CCDC102B: variants seen among roughly 807,000 people sequenced by gnomAD.
The protein encoded by CCDC102B is coiled-coil domain containing 102B.
In CCDC102B, 75 loss-of-function variants were observed where a neutral mutation model predicts 57.4. The ratio of observed to expected loss-of-function variants is 1.31; its 90% confidence interval spans 1.08 to 1.58. CCDC102B has a LOEUF of 1.58. CCDC102B is among the 40% of genes most tolerant of loss of function. The pLI, the probability that CCDC102B is intolerant of heterozygous loss-of-function variation, is 0.00. For synonymous variants in CCDC102B, 206 were observed against 201.9 expected, an observed-to-expected ratio of 1.02 and a Z score of -0.17; for missense variants, 636 against 582.6, an observed-to-expected ratio of 1.09 and a Z score of -0.94.
Position 68,775,184 on chromosome 18 carries a change from T to C in CCDC102B, c.-66-48182T>C, listed in dbSNP as rs1373180881. On this transcript the variant is annotated intron_variant, in intron 2 of 3. Coordinates refer to the CCDC102B transcript ENST00000578970. ...TATTGACAGATATTTGTGCTATTTC[T>C]AACATAGACTTTTAAAATAATTTTT... Among the ~76,000 whole-genome samples the C allele has an allele frequency of 3.9e-5, 6 of 151,986 alleles. 1 individual carries two copies. The East Asian group carries it at 1.2e-3, about 29-fold the overall frequency.
intron 6 of CCDC102B, among the ~76,000 whole-genome samples, chr18:68,940,651 T>G (rs1159957779): frequency 6.6e-6 from 1 of 151,804 alleles, no homozygotes; most frequent in African/African-American, 2.4e-5. Flanking sequence ...ACTTGCTTCC[T>G]TTAGATATAT....
At chr18:68,854,095 T>G (rs1196583429) in intron 4 of CCDC102B, among the ~76,000 whole-genome samples, 2 of 20,456 alleles carry the variant, frequency 9.8e-5, no homozygotes, top group Non-Finnish European at 2.0e-4. Context: ...TTTCTTGTTT[T>G]TTTTTTTTTT....
At chr18:69,034,238 T>C (rs2052224978) in intron 7 of CCDC102B, among the ~76,000 whole-genome samples, 2 of 152,026 alleles carry the variant, frequency 1.3e-5, no homozygotes, top group Non-Finnish European at 2.9e-5. Context: ...AGTTTGTTTA[T>C]TTTTTCTCTA....
chr18:68,837,263 C>A lies in CCDC102B; in HGVS notation c.500C>A (p.Ser167Tyr), dbSNP rs2037423776. Residue 167 changes from serine to tyrosine, a missense_variant, in exon 2 of 8, where the codon TCC (serine) becomes TAC (tyrosine). By Grantham distance (144) the Ser-to-Tyr change is moderately radical (BLOSUM62 -2). Coordinates refer to ENST00000360242, the MANE Select transcript of CCDC102B (RefSeq NM_024781.3). ...DLKLPGFVEE[S>Y]CEHTDQFQLS... ...AAGCTTCCTGGCTTCGTAGAAGAAT[C>A]CTGTGAACATACAGACCAATTTCAA... 1 of 1,614,082 alleles carries A rather than the reference C, an allele frequency of 6.2e-7. No individual in the cohort carries two copies. The highest frequency in any genetic ancestry group is 8.5e-7 in the Non-Finnish European group (1 of 1,180,004).
At chr18:68,764,263 T>C (rs895975031) in intron 2 of CCDC102B, among the ~76,000 whole-genome samples, 31 of 152,324 alleles carry the variant, frequency 2.0e-4, no homozygotes, top group African/African-American at 7.2e-4. Flanking sequence ...CTATGATTAC[T>C]AATAATAACA....
chr18:69,044,179 A>G (rs17080145), intron 7 of CCDC102B, among the ~76,000 whole-genome samples: 7,624 of 152,230 alleles, frequency 0.05, 275 homozygotes, highest in East Asian at 0.16. Flanking sequence ...AAAGCAAGAC[A>G]TCCTACTGAC....
intron 5 of CCDC102B, among the ~76,000 whole-genome samples, chr18:68,888,310 T>C (rs2039958785): frequency 6.6e-6 from 1 of 152,146 alleles, no homozygotes; most frequent in South Asian, 2.1e-4. Context: ...TTAGAATAGA[T>C]TCTCTCACTA....
At chr18:68,981,199 A>G (rs2050571320) in intron 6 of CCDC102B, among the ~76,000 whole-genome samples, 2 of 152,096 alleles carry the variant, frequency 1.3e-5, no homozygotes, top group Non-Finnish European at 2.9e-5. Flanking sequence ...CAAAATGACT[A>G]AAGGAGATAA....
intron 6 of CCDC102B, among the ~76,000 whole-genome samples, chr18:68,983,753 A>C (rs55641403): frequency 3.7e-4 from 57 of 152,144 alleles, no homozygotes; most frequent in African/African-American, 1.1e-3. Context: ...GCTTTGATTA[A>C]ATTTATCTCA....
intron 5 of CCDC102B, among the ~76,000 whole-genome samples, chr18:68,882,437 A>G (rs2039724149): frequency 6.6e-6 from 1 of 152,186 alleles, no homozygotes; most frequent in South Asian, 2.1e-4. Flanking sequence ...TCCCCTTCAC[A>G]TCAGTCTCTG....
intron 6 of CCDC102B, among the ~76,000 whole-genome samples, chr18:68,963,575 C>T (rs1405778778): frequency 6.6e-6 from 1 of 151,876 alleles, no homozygotes; most frequent in Non-Finnish European, 1.5e-5. Flanking sequence ...CATGAGCCCC[C>T]TCCCTGGCTC....
Position 68,855,484 on chromosome 18 carries a change from A to G in CCDC102B, c.936+9063A>G, listed in dbSNP as rs570849119. Among the ~76,000 whole-genome samples the G allele has an allele frequency of 2.6e-5, 4 of 152,338 alleles. No homozygotes were observed. In the South Asian group the frequency reaches 6.2e-4, roughly 24 times the overall value. ...AGATTTACTGAAATATAATTCTCAT[A>G]TCATACAATTCACCCACTTAAAATA... On this transcript the variant is annotated intron_variant, in intron 4 of 7. Coordinates refer to ENST00000360242, the MANE Select transcript of CCDC102B (RefSeq NM_024781.3).
At position 68,934,658 on chromosome 18, in the gene CCDC102B, CTG is replaced by C. The variant is rs997466622; in HGVS notation, c.1263+37232_1263+37233del. Reference sequence around the variant, plus strand: ...GTAATTATCCATTGAGAGGGAAAAACTGTAAAAAAAAGTTCAGTAATTAGAAG... The same window carrying C: ...GTAATTATCCATTGAGAGGGAAAAACTAAAAAAAAGTTCAGTAATTAGAAG... On this transcript the variant is annotated intron_variant, in intron 6 of 7. Coordinates refer to ENST00000360242, the MANE Select transcript of CCDC102B (RefSeq NM_024781.3). 7.2e-5 allele frequency among the ~76,000 whole-genome samples: 11 copies of C among 151,898 alleles called. No individual in the cohort carries two copies. The East Asian group carries it at 2.0e-3, about 27-fold the overall frequency.
At chr18:68,800,749 A>T (rs2035817973) in intron 1 of CCDC102B, among the ~76,000 whole-genome samples, 1 of 152,192 alleles carries the variant, frequency 6.6e-6, no homozygotes, top group African/African-American at 2.4e-5. Flanking sequence ...CCAAGTTATT[A>T]TCAAATAAAG....
chr18:68,792,471 A>G (rs1213445520), intron 2 of CCDC102B, among the ~76,000 whole-genome samples: 1 of 152,234 alleles, frequency 6.6e-6, no homozygotes, highest in African/African-American at 2.4e-5. Flanking sequence ...TTTACAATAT[A>G]AAAATTTGAT....
intron 6 of CCDC102B, among the ~76,000 whole-genome samples, chr18:68,954,135 G>A (rs1273451373): frequency 6.6e-6 from 1 of 151,966 alleles, no homozygotes; most frequent in African/African-American, 2.4e-5. Context: ...AAAGAAGAAA[G>A]TGACTGGATG....
intron 2 of CCDC102B, among the ~76,000 whole-genome samples, chr18:68,744,668 G>A (rs2033541632): frequency 6.6e-6 from 1 of 152,094 alleles, no homozygotes; most frequent in African/African-American, 2.4e-5. Flanking sequence ...CACCAGCCAT[G>A]TGCATGAAGA....
At position 68,881,630 on chromosome 18, in the gene CCDC102B, C is replaced by G. The variant is rs574630269; in HGVS notation, c.1053+6845C>G. On this transcript the variant is annotated intron_variant, in intron 5 of 7. Transcript: ENST00000360242. ...AAAAAGGCTGAGAACGAGGGAACTACTGATGCCTAACTGCTTGAGCTGGAA... is the reference window on the plus strand; with the variant it reads ...AAAAAGGCTGAGAACGAGGGAACTAGTGATGCCTAACTGCTTGAGCTGGAA... Among the ~76,000 whole-genome samples, 6 of 152,216 alleles carry G rather than the reference C, an allele frequency of 3.9e-5. No individual in the cohort carries two copies. The South Asian group carries it at 6.2e-4, about 16-fold the overall frequency.
chr18:68,765,837 T>G (rs58707993), intron 2 of CCDC102B, among the ~76,000 whole-genome samples: 9,732 of 152,170 alleles, frequency 0.064, 585 homozygotes, highest in African/African-American at 0.15. Context: ...ACTTTTTCTT[T>G]CTTTCTTTCT....
Sources: gnomAD v4.1 joint callset for allele counts (sites outside exome capture counted in the v4.1 genomes callset) on GRCh38, gnomAD v4.1.1 for gene constraint, MANE v1.5 for transcripts, NCBI Gene and HGNC (gene_info 2026-07-23, HGNC 2026-07-21) for gene names.